PALM2AKAP2: variants seen among roughly 807,000 people sequenced by gnomAD.
The protein encoded by PALM2AKAP2 is PALM2-AKAP2 fusion protein.
In PALM2AKAP2, 37 loss-of-function variants were observed where a neutral mutation model predicts 71.5. The ratio of observed to expected loss-of-function variants is 0.52; its 90% CI spans 0.40 to 0.68. The LOEUF (loss-of-function observed/expected upper bound fraction) is 0.68, where lower values mean the gene tolerates loss of function less well. Among genes scored for constraint, PALM2AKAP2 ranks in the 30% least tolerant of loss-of-function variants. The probability of loss-of-function intolerance (pLI) is 0.00; values close to 1 mark genes in which losing one functional copy is unlikely to be tolerated. For missense variants in PALM2AKAP2, 1,224 were observed against 1,191.8 expected (o/e 1.03, Z -0.40); for synonymous variants, 468 against 478.8 (o/e 0.98, Z 0.29).
intron 2 of PALM2AKAP2, among the ~76,000 whole-genome samples, chr9:109,871,179 A>G (rs972962434): frequency 3.9e-5 from 6 of 152,192 alleles, no homozygotes; most frequent in Non-Finnish European, 7.4e-5. Context: ...TTTTTAGAAG[A>G]CTTACTTATT....
At chr9:110,088,703 GTTTTTTTTTTTTTTT>G (rs71373964) in intron 1 of PALM2AKAP2, among the ~76,000 whole-genome samples, 48 of 75,632 alleles carry the variant, frequency 6.3e-4, no homozygotes, top group East Asian at 1.3e-3. Flanking sequence ...GCATTTACGT[GTTTTTTTTTTTTTTT>G]TTTTTTTTTT....
At chr9:110,168,638 T>A in exon 4 of PALM2AKAP2, 1 of 985,680 alleles carries the variant, frequency 1.0e-6, no homozygotes. Flanking sequence ...AGCTGCAATA[T>A]ACAATGATGA....
rs760981684 is a variant in PALM2AKAP2 at position 109,782,740 on chromosome 9, TTGTTTG to T, written c.45+2211_45+2216del. On this transcript the variant is annotated intron_variant, in intron 1 of 9. Transcript: ENST00000302798. ...GGACAGATTTGCTAACAGCGTGTGTTTGTTTGTGTGTGTGTGTGTGTGTGTGTGTGT... is the reference window on the plus strand; with the variant it reads ...GGACAGATTTGCTAACAGCGTGTGTTTGTGTGTGTGTGTGTGTGTGTGTGT... Among the ~76,000 whole-genome samples the T allele has an allele frequency of 2.2e-3, 274 of 126,060 alleles. 1 individual carries two copies. Among genetic ancestry groups the T allele is most frequent in the African/African-American group, 8.2e-3 (247 of 29,978 alleles). The allele number at this position is 126,060 out of a possible 152,430, so 82.7% of individuals were successfully genotyped here.
intron 1 of PALM2AKAP2, among the ~76,000 whole-genome samples, chr9:109,730,953 A>G (rs1828549122): frequency 6.6e-6 from 1 of 152,148 alleles, no homozygotes; most frequent in African/African-American, 2.4e-5. Context: ...TTAACAAACC[A>G]TCTGGTGCAT....
At chr9:109,959,988 CA>C (rs1199145232) in intron 6 of PALM2AKAP2, among the ~76,000 whole-genome samples, 1 of 152,226 alleles carries the variant, frequency 6.6e-6, no homozygotes. Context: ...GAATTAAGAT[CA>C]AACCCTTCTC....
intron 6 of PALM2AKAP2, 48 bp from the exon 7 acceptor site, chr9:110,015,906 G>T: frequency 6.6e-7 from 1 of 1,523,864 alleles, no homozygotes; most frequent in Non-Finnish European, 9.0e-7. Flanking sequence ...GTGTATCCAT[G>T]TCAGCTGAAT....
intron 1 of PALM2AKAP2, among the ~76,000 whole-genome samples, chr9:110,084,469 G>A (rs1014497938): frequency 6.6e-6 from 1 of 152,122 alleles, no homozygotes; most frequent in Non-Finnish European, 1.5e-5. Context: ...TTACCTAAAA[G>A]AGGTTAAAGT....
At chr9:110,017,728 CCTTT>C (rs1564262759) in intron 7 of PALM2AKAP2, among the ~76,000 whole-genome samples, 3 of 43,942 alleles carry the variant, frequency 6.8e-5, no homozygotes, top group Admixed American at 2.0e-4. Context: ...ACGGCATATT[CCTTT>C]TTTTTTTTTT....
intron 1 of PALM2AKAP2, among the ~76,000 whole-genome samples, chr9:109,825,398 A>C (rs1460734997): frequency 6.6e-6 from 1 of 152,254 alleles, no homozygotes; most frequent in East Asian, 1.9e-4. Context: ...CTGCACAGCA[A>C]AAGAAACTAC....
intron 1 of PALM2AKAP2, among the ~76,000 whole-genome samples, chr9:109,684,923 TAAG>T (rs1309594277): frequency 2.0e-5 from 3 of 152,140 alleles, no homozygotes; most frequent in Non-Finnish European, 4.4e-5. Context: ...GGTGAGTAGA[TAAG>T]AAAACTGTGG....
chr9:110,135,164 A>AAAAAAAAAAAAATATACATATATATATAT, intron 1 of PALM2AKAP2, among the ~76,000 whole-genome samples: 1 of 51,744 alleles, frequency 1.9e-5, no homozygotes, highest in Non-Finnish European at 3.8e-5. Flanking sequence ...AAAAAAAAAA[A>AAAAAAAAAAAAATATACATATATATATAT]ATATATAAAT....
At chr9:109,697,287 A>G (rs1159290644) in intron 1 of PALM2AKAP2, among the ~76,000 whole-genome samples, 2 of 152,214 alleles carry the variant, frequency 1.3e-5, no homozygotes, top group Non-Finnish European at 2.9e-5. Flanking sequence ...ATTACCATTT[A>G]TGTTAAAATG....
chr9:110,141,213 C>G (rs1836019783), intron 2 of PALM2AKAP2, among the ~76,000 whole-genome samples: 1 of 152,184 alleles, frequency 6.6e-6, no homozygotes, highest in African/African-American at 2.4e-5. Context: ...CCACTGGCAT[C>G]CCAGCAACCC....
intron 3 of PALM2AKAP2, among the ~76,000 whole-genome samples, chr9:109,923,167 G>A (rs1414492013): frequency 6.6e-6 from 1 of 152,154 alleles, no homozygotes; most frequent in African/African-American, 2.4e-5. Context: ...GAAAATTGAG[G>A]AAAGTTCCAA....
chr9:110,080,142 C>G (rs1424541957), intron 1 of PALM2AKAP2, among the ~76,000 whole-genome samples: 1 of 150,156 alleles, frequency 6.7e-6, no homozygotes, highest in Non-Finnish European at 1.5e-5. Flanking sequence ...TGTTCTTTCT[C>G]TTCATCAGTT....
At chr9:109,738,139 T>C (rs1445813013) in intron 1 of PALM2AKAP2, among the ~76,000 whole-genome samples, 2 of 152,256 alleles carry the variant, frequency 1.3e-5, no homozygotes, top group Non-Finnish European at 2.9e-5. Context: ...GCTATGAATT[T>C]CTTTATATAC....
chr9:109,991,090 C>G (rs1832472945), intron 6 of PALM2AKAP2, among the ~76,000 whole-genome samples: 1 of 152,082 alleles, frequency 6.6e-6, no homozygotes, highest in Admixed American at 6.6e-5. Flanking sequence ...GAGACTGGTG[C>G]AGAGAGCAAC....
In PALM2AKAP2 at chr9:109,709,035, T is replaced by C. The variant is rs540981151; in HGVS notation, c.5+68169T>C. 2.6e-5 allele frequency among the ~76,000 whole-genome samples: 4 copies of C among 152,298 alleles called. No homozygotes were observed. In the South Asian group the frequency reaches 6.2e-4, roughly 24 times the overall value. On this transcript the variant is annotated intron_variant, in intron 1 of 6. Transcript: ENST00000374531. Reference sequence around the variant, plus strand: ...GCAGGGATGGGGCCAGCTATAGTGGTACTTGAGCCTGTCAAGGGGCTGAGC... The same window carrying C: ...GCAGGGATGGGGCCAGCTATAGTGGCACTTGAGCCTGTCAAGGGGCTGAGC...
At chr9:109,857,831 A>G (rs911533916) in intron 1 of PALM2AKAP2, among the ~76,000 whole-genome samples, 7 of 152,204 alleles carry the variant, frequency 4.6e-5, no homozygotes, top group African/African-American at 9.7e-5. Context: ...ACTGCGGGGC[A>G]ATTCTTACTA....
Sources: gnomAD v4.1 joint callset for allele counts (sites outside exome capture counted in the v4.1 genomes callset) on GRCh38, gnomAD v4.1.1 for gene constraint, MANE v1.5 for transcripts, NCBI Gene and HGNC (gene_info 2026-07-23, HGNC 2026-07-21) for gene names.